Variants in GALNT14 observed in about 807,000 individuals in gnomAD.
GALNT14 encodes polypeptide N-acetylgalactosaminyltransferase 14.
In GALNT14, 60 loss-of-function variants were observed where a neutral mutation model predicts 77.5. The ratio of observed to expected loss-of-function variants is 0.77; its 90% CI spans 0.63 to 0.96. The LOEUF (loss-of-function observed/expected upper bound fraction) is 0.96, where lower values mean the gene tolerates loss of function less well. Among genes scored for constraint, GALNT14 ranks in the 40% least tolerant of loss-of-function variants. The pLI is 0.00. For missense variants in GALNT14, 710 were observed against 731.0 expected (o/e 0.97, Z 0.33); for synonymous variants, 280 against 281.7 (o/e 0.99, Z 0.06).
intron 1 of GALNT14, among the ~76,000 whole-genome samples, chr2:31,018,389 G>A (rs1234182146): frequency 6.6e-6 from 1 of 152,200 alleles, no homozygotes; most frequent in Non-Finnish European, 1.5e-5. Context: ...GAGGTCTCAA[G>A]AAACTTAACA....
chr2:31,058,603 G>GGA (rs1316606122), intron 1 of GALNT14, among the ~76,000 whole-genome samples: 2 of 152,188 alleles, frequency 1.3e-5, no homozygotes, highest in South Asian at 2.1e-4. Context: ...GTTGACCTCA[G>GGA]GAGAGAGAGA....
chr2:30,938,091 C>A (rs1666159621), intron 9 of GALNT14, among the ~76,000 whole-genome samples: 1 of 150,682 alleles, frequency 6.6e-6, no homozygotes, highest in African/African-American at 2.4e-5. Context: ...CCTGGCATAG[C>A]CTGGTGTCCC....
intron 1 of GALNT14, among the ~76,000 whole-genome samples, chr2:31,078,726 C>T (rs564832027): frequency 1.2e-4 from 19 of 152,164 alleles, no homozygotes; most frequent in South Asian, 2.1e-4. Context: ...GCAAGGCAAA[C>T]ATTCAGAAGC....
intron 1 of GALNT14, among the ~76,000 whole-genome samples, chr2:31,134,965 T>C (rs922584991): frequency 1.3e-5 from 2 of 152,200 alleles, no homozygotes; most frequent in Non-Finnish European, 2.9e-5. Context: ...TTGTGAGTAT[T>C]AAATGAACTA....
intron 1 of GALNT14, among the ~76,000 whole-genome samples, chr2:30,997,860 G>A (rs1263083086): frequency 2.0e-5 from 3 of 152,034 alleles, no homozygotes; most frequent in Admixed American, 2.0e-4. Flanking sequence ...TGGCTATTTT[G>A]AAATATGCAA....
chr2:30,983,678 T>C (rs1669121128), intron 2 of GALNT14, among the ~76,000 whole-genome samples: 1 of 152,166 alleles, frequency 6.6e-6, no homozygotes, highest in Admixed American at 6.5e-5. Context: ...AGTATTTTAG[T>C]ACCTCTGGGC....
At chr2:30,965,120 C>T (rs1461824754) in intron 3 of GALNT14, among the ~76,000 whole-genome samples, 1 of 151,982 alleles carries the variant, frequency 6.6e-6, no homozygotes, top group Admixed American at 6.6e-5. Flanking sequence ...CATTCCTGGC[C>T]CCGAAGGATG....
chr2:31,087,988 C>T (rs186357773), intron 1 of GALNT14, among the ~76,000 whole-genome samples: 33 of 152,302 alleles, frequency 2.2e-4, no homozygotes, highest in African/African-American at 2.4e-5. Flanking sequence ...GGTCTATGAA[C>T]CAGAGAGTGG....
intron 1 of GALNT14, among the ~76,000 whole-genome samples, chr2:31,129,945 A>T (rs2148650035): frequency 1.3e-5 from 2 of 152,240 alleles, no homozygotes; most frequent in South Asian, 4.1e-4. Flanking sequence ...ATGCATGCAG[A>T]TCGGGTTGCA....
chr2:31,030,181 C>G (rs1293419333), intron 1 of GALNT14, among the ~76,000 whole-genome samples: 1 of 152,142 alleles, frequency 6.6e-6, no homozygotes, highest in Non-Finnish European at 1.5e-5. Context: ...TGTGGGGCCT[C>G]CCTAAGTGGA....
At chr2:31,005,083 C>T (rs1402937379) in intron 1 of GALNT14, among the ~76,000 whole-genome samples, 2 of 152,122 alleles carry the variant, frequency 1.3e-5, no homozygotes, top group African/African-American at 4.8e-5. Context: ...AATTGTGACC[C>T]CTAGGACACT....
Position 30,955,494 on chromosome 2 carries a change from C to T in GALNT14, c.654+124G>A, listed in dbSNP as rs899292479. 6.8e-6 allele frequency: 9 copies of T among 1,319,408 alleles called. No homozygotes were observed. The Admixed American group carries it at 1.4e-4, about 20-fold the overall frequency. The allele number at this position is 1,319,408 out of a possible 1,614,324, so 81.7% of individuals were successfully genotyped here. A position where few individuals can be genotyped will look rare whatever the true frequency, so the allele number is the denominator to read the frequency against. ...AGTTCCTTCATCAATAAAATCGGGA[C>T]TGCGATCTGTTCTGCCCACCTCCCA... On this transcript the variant is annotated intron_variant, in intron 6 of 14. Coordinates refer to ENST00000349752, the MANE Select transcript of GALNT14 (RefSeq NM_024572.4).
intron 4 of GALNT14, among the ~76,000 whole-genome samples, chr2:30,958,035 G>T (rs1190981167): frequency 2.0e-5 from 3 of 152,172 alleles, no homozygotes; most frequent in Non-Finnish European, 2.9e-5. Flanking sequence ...GGTAGGAAAT[G>T]AGCAAGAAAA....
At position 30,924,322 on chromosome 2, in the gene GALNT14, C is replaced by T. The variant is rs1384495401; in HGVS notation, c.1236-59G>A. On this transcript the variant is annotated intron_variant, in intron 12 of 14. Transcript: ENST00000349752. ...ACTGCTCATTGGATTAGCAAGACTA[C>T]CAGCTGGAGAGGGTGGGCAGTGTTC... 6.4e-6 allele frequency: 10 copies of T among 1,571,360 alleles called. 1 individual carries two copies. In the South Asian group the frequency reaches 6.7e-5, roughly 10 times the overall value.
At chr2:30,993,133 C>T in intron 1 of GALNT14, 126 bp from the exon 2 acceptor site, 3 of 900,124 alleles carry the variant, frequency 3.3e-6, no homozygotes, top group Non-Finnish European at 5.1e-6. Context: ...AAGATGGGGT[C>T]AGAAGCAGAA....
At chr2:30,951,589 T>C (rs911367311) in intron 6 of GALNT14, among the ~76,000 whole-genome samples, 1 of 152,238 alleles carries the variant, frequency 6.6e-6, no homozygotes, top group Non-Finnish European at 1.5e-5. Context: ...TTGCCCACTT[T>C]CAAAGGTTAA....
chr2:31,044,576 A>G (rs12712305), intron 1 of GALNT14, among the ~76,000 whole-genome samples: 44,280 of 152,076 alleles, frequency 0.29, 6,990 homozygotes, highest in East Asian at 0.45. Flanking sequence ...GAAATTACAT[A>G]CTGGCTACAC....
intron 1 of GALNT14, among the ~76,000 whole-genome samples, chr2:31,124,004 C>G (rs535079926): frequency 6.6e-6 from 1 of 152,306 alleles, no homozygotes; most frequent in South Asian, 2.1e-4. Flanking sequence ...GAGGGGCCAG[C>G]AGAGAGCCAC....
chr2:30,959,347 C>G (rs1452556342), intron 3 of GALNT14, among the ~76,000 whole-genome samples: 3 of 152,178 alleles, frequency 2.0e-5, no homozygotes, highest in Non-Finnish European at 2.9e-5. Flanking sequence ...AGACCCTTGA[C>G]CCATTGCTCT....
Sources: allele counts gnomAD v4.1 joint callset (sites outside exome capture counted in the v4.1 genomes callset), GRCh38; gene constraint gnomAD v4.1.1; transcripts MANE v1.5; gene names NCBI Gene and HGNC (gene_info 2026-07-23, HGNC 2026-07-21).